AGBL1: variants seen among roughly 807,000 people sequenced by gnomAD.
AGBL1 encodes the protein AGBL carboxypeptidase 1, also known as cytosolic carboxypeptidase 4.
Under a neutral mutation model 118.9 loss-of-function variants are expected in AGBL1, and 130 were observed. That is an observed-to-expected ratio of 1.09 (90% confidence interval 0.95 to 1.26). The LOEUF (loss-of-function observed/expected upper bound fraction) is 1.26. Among genes scored for constraint, AGBL1 ranks in the 50% most tolerant of loss-of-function variants. The probability of loss-of-function intolerance (pLI) is 0.00; values close to 1 mark genes in which losing one functional copy is unlikely to be tolerated. For missense variants in AGBL1, 1,584 were observed against 1,298.1 expected (o/e 1.22, Z -3.38); for synonymous variants, 555 against 478.9 (o/e 1.16, Z -2.08).
At chr15:86,526,918 G>T (rs187093168) in intron 19 of AGBL1, among the ~76,000 whole-genome samples, 88 of 152,228 alleles carry the variant, frequency 5.8e-4, no homozygotes, top group African/African-American at 1.9e-3. Flanking sequence ...CTATTCAGGT[G>T]ATAGGTACAC....
At chr15:86,417,013 G>A (rs1233782023) in intron 18 of AGBL1, among the ~76,000 whole-genome samples, 3 of 152,166 alleles carry the variant, frequency 2.0e-5, no homozygotes, top group African/African-American at 7.2e-5. Flanking sequence ...ATATTTCTGT[G>A]ACTTGATCAT....
intron 1 of AGBL1, among the ~76,000 whole-genome samples, chr15:86,117,594 G>A (rs1897842674): frequency 6.6e-6 from 1 of 152,162 alleles, no homozygotes; most frequent in Admixed American, 6.6e-5. Flanking sequence ...TGTGTTTTTA[G>A]TGCATATCAA....
chr15:86,540,920 G>T (rs1382126690), intron 19 of AGBL1, among the ~76,000 whole-genome samples: 1 of 152,118 alleles, frequency 6.6e-6, no homozygotes, highest in East Asian at 1.9e-4. Flanking sequence ...TCTATAATTT[G>T]TCGTTTACTT....
At chr15:86,390,523 A>G (rs543903561) in intron 17 of AGBL1, among the ~76,000 whole-genome samples, 1 of 152,292 alleles carries the variant, frequency 6.6e-6, no homozygotes, top group Non-Finnish European at 1.5e-5. Context: ...AAATTGTGGC[A>G]TATTCATTGC....
At chr15:86,756,855 G>T (rs906467314) in intron 22 of AGBL1, among the ~76,000 whole-genome samples, 1 of 151,938 alleles carries the variant, frequency 6.6e-6, no homozygotes, top group South Asian at 2.1e-4. Context: ...GACACTTAAG[G>T]TTTTTAAGGA....
At chr15:86,568,635 G>T (rs979570614) in intron 21 of AGBL1, among the ~76,000 whole-genome samples, 1 of 152,174 alleles carries the variant, frequency 6.6e-6, no homozygotes, top group South Asian at 2.1e-4. Flanking sequence ...CTCACAAGTG[G>T]TGGTATAGAC....
intron 24 of AGBL1, among the ~76,000 whole-genome samples, chr15:87,019,671 GAA>G (rs914128035): frequency 1.3e-5 from 2 of 151,938 alleles, no homozygotes; most frequent in African/African-American, 4.8e-5. Context: ...TAAAAAACTA[GAA>G]AAGTCTCAAG....
At chr15:86,738,387 G>A (rs1028528966) in intron 22 of AGBL1, among the ~76,000 whole-genome samples, 3 of 151,016 alleles carry the variant, frequency 2.0e-5, no homozygotes, top group Non-Finnish European at 4.4e-5. Context: ...ATAGCAATCA[G>A]GCAAGAGAAA....
intron 4 of AGBL1, among the ~76,000 whole-genome samples, chr15:86,156,789 TC>T (rs111281117): frequency 0.24 from 18,147 of 77,076 alleles, 1,211 homozygotes; most frequent in Middle Eastern, 0.32. Context: ...TTTTTTCTTT[TC>T]TTTCTTTTTT....
intron 21 of AGBL1, among the ~76,000 whole-genome samples, chr15:86,574,193 G>A (rs1421274732): frequency 1.3e-5 from 2 of 152,206 alleles, no homozygotes; most frequent in African/African-American, 4.8e-5. Context: ...AAAGGAAGGC[G>A]AGAGCATTTA....
chr15:86,545,864 C>T, intron 19 of AGBL1, 138 bp from the exon 20 acceptor site: 1 of 1,050,488 alleles, frequency 9.5e-7, no homozygotes, highest in South Asian at 1.6e-5. Flanking sequence ...GGCTGGTCTG[C>T]TAACTCAACA....
intron 16 of AGBL1, among the ~76,000 whole-genome samples, chr15:86,280,587 T>C (rs1365323218): frequency 6.6e-6 from 1 of 152,246 alleles, no homozygotes; most frequent in South Asian, 2.1e-4. Flanking sequence ...TTTCATCCTC[T>C]ATGTTAATGT....
intron 22 of AGBL1, among the ~76,000 whole-genome samples, chr15:86,832,057 A>G (rs947149556): frequency 6.6e-6 from 1 of 152,200 alleles, no homozygotes; most frequent in African/African-American, 2.4e-5. Context: ...CAACGGCCTG[A>G]GCTCTATGTC....
At chr15:86,406,969 G>C (rs965697737) in intron 18 of AGBL1, among the ~76,000 whole-genome samples, 2 of 152,030 alleles carry the variant, frequency 1.3e-5, no homozygotes, top group Non-Finnish European at 2.9e-5. Context: ...GTAGTCAATT[G>C]AGTCAGATGT....
intron 22 of AGBL1, among the ~76,000 whole-genome samples, chr15:86,811,977 C>T (rs1342801952): frequency 1.3e-5 from 2 of 152,186 alleles, no homozygotes; most frequent in African/African-American, 4.8e-5. Context: ...AAATGCCTAT[C>T]TCACTCACTT....
At chr15:86,998,455 A>G (rs779282278) in intron 24 of AGBL1, among the ~76,000 whole-genome samples, 5 of 152,186 alleles carry the variant, frequency 3.3e-5, no homozygotes, top group Admixed American at 2.0e-4. Flanking sequence ...GGGAGTGGAT[A>G]CTTTCCCAGC....
intron 17 of AGBL1, among the ~76,000 whole-genome samples, chr15:86,321,776 C>G (rs1310135277): frequency 6.9e-6 from 1 of 144,284 alleles, no homozygotes; most frequent in Non-Finnish European, 1.5e-5. Context: ...GACTCTGTCT[C>G]AAAAAAAAAA....
At chr15:86,930,089 C>A (rs1004646119) in intron 23 of AGBL1, among the ~76,000 whole-genome samples, 1 of 151,620 alleles carries the variant, frequency 6.6e-6, no homozygotes, top group African/African-American at 2.4e-5. Context: ...CCCCCAGATA[C>A]TACTTAAAAG....
At chr15:86,489,060 C>A (rs1486068646) in intron 18 of AGBL1, among the ~76,000 whole-genome samples, 1 of 151,722 alleles carries the variant, frequency 6.6e-6, no homozygotes, top group Admixed American at 6.6e-5. Flanking sequence ...GTCTTCATAG[C>A]AGAAGGGCTG....
Sources: allele counts gnomAD v4.1 joint callset (sites outside exome capture counted in the v4.1 genomes callset), GRCh38; gene constraint gnomAD v4.1.1; transcripts MANE v1.5; gene names NCBI Gene and HGNC (gene_info 2026-07-23, HGNC 2026-07-21).